FAM13B: variants seen among roughly 807,000 people sequenced by gnomAD.
FAM13B encodes the protein family with sequence similarity 13 member B, also known as protein FAM13B.
A neutral mutation model predicts 117.3 loss-of-function variants in FAM13B; 60 were observed. The ratio of observed to expected loss-of-function variants is 0.51; its 90% CI spans 0.42 to 0.63. The LOEUF is 0.63. Among genes scored for constraint, FAM13B ranks in the 30% least tolerant of loss-of-function variants. The pLI is 0.00. For synonymous variants in FAM13B, 332 were observed against 356.1 expected (o/e 0.93, Z 0.76); for missense variants, 972 against 1,091.9 (o/e 0.89, Z 1.55).
upstream of FAM13B, chr5:138,033,092 C>T (rs1323599430): frequency 8.2e-6 from 8 of 970,446 alleles, no homozygotes; most frequent in Non-Finnish European, 9.8e-6. Flanking sequence ...CGGGCGGAGG[C>T]CGGGCCGGAC....
chr5:138,011,303 C>T (rs899985577), intron 5 of FAM13B, among the ~76,000 whole-genome samples, 154 bp from the exon 6 acceptor site: 1 of 152,148 alleles, frequency 6.6e-6, no homozygotes, highest in African/African-American at 2.4e-5. Context: ...TAATTTGTAC[C>T]CTGTTCACAA....
intron 10 of FAM13B, among the ~76,000 whole-genome samples, chr5:137,968,594 T>TG (rs1439812155): frequency 6.6e-6 from 1 of 151,992 alleles, no homozygotes; most frequent in Non-Finnish European, 1.5e-5. Flanking sequence ...AAGCAATTTG[T>TG]GGGGGGAGGA....
At chr5:138,036,662 TTAATC>T (rs1344571317), upstream of FAM13B, 1 of 445,092 alleles carries the variant, frequency 2.2e-6, no homozygotes, top group Non-Finnish European at 4.5e-6. Flanking sequence ...AACTGAGTAT[TTAATC>T]TACCTGCTTT....
intron 10 of FAM13B, among the ~76,000 whole-genome samples, chr5:137,973,673 C>A (rs1271601590): frequency 2.6e-5 from 4 of 151,770 alleles, no homozygotes; most frequent in African/African-American, 9.7e-5. Flanking sequence ...AGGCAACCTA[C>A]AGAATGGGAG....
chr5:138,047,591 T>TA (rs1472473137), intron 1 of FAM13B, among the ~76,000 whole-genome samples: 2 of 152,188 alleles, frequency 1.3e-5, no homozygotes, highest in Non-Finnish European at 2.9e-5. Context: ...ATAAAGGTTA[T>TA]AGGCAGAATT....
In FAM13B at chr5:138,011,801, G is replaced by T; in HGVS notation, c.515C>A (p.Ser172Tyr). The change falls in exon 5 of 24, where the codon TCT (serine) becomes TAT (tyrosine). Residue 172 changes from serine to tyrosine, a missense_variant. Coordinates refer to ENST00000689681, the MANE Select transcript of FAM13B (RefSeq NM_001385994.1). Reference protein sequence around the residue: ...SHHEEIWSANSLAAVFGPDVF... With the variant: ...SHHEEIWSANYLAAVFGPDVF... Reference sequence around the variant, plus strand: ...ATCTGGACCAAAGACAGCAGCCAAAGAATTTGCGGACCAAATTTCTTCATG... The same window carrying T: ...ATCTGGACCAAAGACAGCAGCCAAATAATTTGCGGACCAAATTTCTTCATG... 9.9e-6 allele frequency: 16 copies of T among 1,611,722 alleles called. No individual in the cohort carries two copies. The highest frequency in any genetic ancestry group is 1.3e-5 in the Non-Finnish European group (15 of 1,179,234).
At chr5:138,006,221 C>A (rs1965911) in intron 7 of FAM13B, among the ~76,000 whole-genome samples, 112,232 of 152,014 alleles carry the variant, frequency 0.74, 42,094 homozygotes, top group East Asian at 0.97. Flanking sequence ...TTTAACCACC[C>A]TTCCACTGAA....
intron 10 of FAM13B, among the ~76,000 whole-genome samples, chr5:137,966,619 G>T (rs1164971076): frequency 6.6e-6 from 1 of 150,804 alleles, no homozygotes; most frequent in Non-Finnish European, 1.5e-5. Flanking sequence ...CATTAAAGAA[G>T]ATATACACAT....
In FAM13B at chr5:138,025,313, ATT is replaced by A. The variant is rs869194123; in HGVS notation, c.-202-4118_-202-4117del. On this transcript the variant is annotated intron_variant, in intron 1 of 23. Coordinates refer to ENST00000689681, the MANE Select transcript of FAM13B (RefSeq NM_001385994.1). Reference sequence around the variant, plus strand: ...CATATATATATATATATATATATGTATTTTTTTTTTTTTTTTTTTTGAGTTGA... The same window carrying A: ...CATATATATATATATATATATATGTATTTTTTTTTTTTTTTTTTGAGTTGA... Among the ~76,000 whole-genome samples, 461 of 111,118 alleles carry A rather than the reference ATT, an allele frequency of 4.1e-3. 1 individual carries two copies. Among genetic ancestry groups the A allele is most frequent in the Middle Eastern group, 0.011 (2 of 184 alleles). 72.9% of individuals were successfully genotyped at this position (111,118 alleles called of 152,430 possible). A position where few individuals can be genotyped will look rare whatever the true frequency, so the allele number is the denominator to read the frequency against.
chr5:137,940,316 A>G lies in FAM13B; in HGVS notation c.2723T>C (p.Leu908Pro). 6.2e-7 allele frequency: 1 copy of G among 1,608,746 alleles called. No individual in the cohort carries two copies. The highest frequency in any genetic ancestry group is 8.5e-7 in the Non-Finnish European group (1 of 1,175,306). ...TTTCTTGTACTCTCTGTACTCCTCA[A>G]GCACTGGAACACGATCCTCTTTCTG... ...NAQKEDRVPV[L>P]EEYREYKKIK... Residue 908 changes from leucine to proline, a missense_variant, in exon 24 of 24, where the codon CTT becomes CCT. Leu to Pro is a moderately conservative substitution (Grantham distance 98, BLOSUM62 -3). Transcript: ENST00000689681.
rs1225045020 is a variant in FAM13B at position 137,940,183 on chromosome 5, A to G, written c.*42T>C. 1 of 1,613,672 alleles carries G rather than the reference A, an allele frequency of 6.2e-7. No individual in the cohort carries two copies. The highest frequency in any genetic ancestry group is 2.2e-5 in the East Asian group (1 of 44,864). ...AGTACACACGATGATAGCTTCAAGG[A>G]ATACAACTGACTTTATGATATGAAT... On this transcript the variant is annotated 3_prime_UTR_variant, in exon 24 of 24. Transcript: ENST00000689681.
chr5:138,017,578 T>C (rs1437134261), intron 4 of FAM13B, among the ~76,000 whole-genome samples: 1 of 152,210 alleles, frequency 6.6e-6, no homozygotes, highest in African/African-American at 2.4e-5. Context: ...CATTTTCCTA[T>C]ATAATGAAGC....
chr5:137,948,865 C>A, intron 18 of FAM13B, 90 bp downstream of exon 18: 1 of 941,922 alleles, frequency 1.1e-6, no homozygotes, highest in South Asian at 1.6e-5. Flanking sequence ...GAAAATCAGA[C>A]TACCTAGACA....
At chr5:138,001,893 C>A (rs1781354091) in intron 7 of FAM13B, among the ~76,000 whole-genome samples, 1 of 151,636 alleles carries the variant, frequency 6.6e-6, no homozygotes, top group South Asian at 2.1e-4. Context: ...TTTGTTATGG[C>A]CAAAGGAGAA....
chr5:137,949,521 T>A (rs879812581), intron 17 of FAM13B, among the ~76,000 whole-genome samples: 28 of 152,168 alleles, frequency 1.8e-4, no homozygotes, highest in Middle Eastern at 3.2e-3. Flanking sequence ...GGCTCACGCC[T>A]ATAATCACAG....
At chr5:137,993,310 T>C (rs1779103595) in intron 7 of FAM13B, among the ~76,000 whole-genome samples, 1 of 152,160 alleles carries the variant, frequency 6.6e-6, no homozygotes, top group Non-Finnish European at 1.5e-5. Context: ...TTTATGCCCA[T>C]TTCTGTAGTA....
At chr5:137,977,625 T>G (rs1251130774) in intron 10 of FAM13B, among the ~76,000 whole-genome samples, 1 of 152,146 alleles carries the variant, frequency 6.6e-6, no homozygotes. Flanking sequence ...CCCTGATATC[T>G]CAAAGTGCTG....
At chr5:137,962,594 A>G in intron 10 of FAM13B, 125 bp from the exon 11 acceptor site, 1 of 751,070 alleles carries the variant, frequency 1.3e-6, no homozygotes. Context: ...TATCATTTAT[A>G]ATAGTCTGTA....
chr5:137,973,968 A>C (rs1340884095), intron 10 of FAM13B, among the ~76,000 whole-genome samples: 1 of 138,490 alleles, frequency 7.2e-6, no homozygotes, highest in East Asian at 2.1e-4. Flanking sequence ...GGTGCTGGAG[A>C]GGATGTGGAG....
Sources: allele counts gnomAD v4.1 joint callset (sites outside exome capture counted in the v4.1 genomes callset), GRCh38; gene constraint gnomAD v4.1.1; transcripts MANE v1.5; gene names NCBI Gene and HGNC (gene_info 2026-07-23, HGNC 2026-07-21).